Variants in SMYD3 observed in about 807,000 individuals in gnomAD.
SMYD3 encodes the protein SET and MYND domain containing 3.
SMYD3 carries 36 observed loss-of-function variants against 57.7 expected under a neutral mutation model. That is an observed-to-expected ratio of 0.62 (90% confidence interval 0.48 to 0.82). SMYD3 has a LOEUF of 0.82. SMYD3 is among the 40% of genes least tolerant of loss of function. The probability of loss-of-function intolerance (pLI) is 0.00; values close to 1 mark genes in which losing one functional copy is unlikely to be tolerated. For synonymous variants in SMYD3, 211 were observed against 195.0 expected, an observed-to-expected ratio of 1.08 and a Z score of -0.68; for missense variants, 515 against 538.8, an observed-to-expected ratio of 0.96 and a Z score of 0.44.
Position 245,793,126 on chromosome 1 carries a change from G to A in SMYD3, c.1077-28977C>T, listed in dbSNP as rs376993566. ...AGATCAAGACCATCCTGGCTAACAC[G>A]GTGAAACCCCGTCTCTACTAAAAAT... On this transcript the variant is annotated intron_variant, in intron 10 of 11. Transcript: ENST00000490107. Among the ~76,000 whole-genome samples, 119 of 146,196 alleles carry A rather than the reference G, an allele frequency of 8.1e-4. 1 individual carries two copies. Among genetic ancestry groups the A allele is most frequent in the Admixed American group, 4.1e-3 (60 of 14,634 alleles).
chr1:245,815,868 C>T (rs768548260), intron 10 of SMYD3, among the ~76,000 whole-genome samples: 26 of 152,174 alleles, frequency 1.7e-4, no homozygotes, highest in Non-Finnish European at 3.2e-4. Flanking sequence ...AAGCAGAGAT[C>T]AGGCCTTGGA....
intron 5 of SMYD3, among the ~76,000 whole-genome samples, chr1:246,282,305 CAAAAAAAAAAAAAAAA>C (rs57740230): frequency 8.4e-4 from 57 of 67,938 alleles, no homozygotes; most frequent in Middle Eastern, 0.02. Flanking sequence ...CTCATCTCTA[CAAAAAAAAAAAAAAAA>C]AAAAAAAAAA....
chr1:245,765,224 A>C (rs1207464504), intron 10 of SMYD3, among the ~76,000 whole-genome samples: 2 of 61,330 alleles, frequency 3.3e-5, no homozygotes, highest in African/African-American at 1.6e-4. Context: ...TTTCTCTATT[A>C]AAAAAAAAAA....
chr1:245,879,233 C>G (rs2052645728), intron 8 of SMYD3, among the ~76,000 whole-genome samples: 1 of 152,232 alleles, frequency 6.6e-6, no homozygotes, highest in South Asian at 2.1e-4. Context: ...CATCTGAGCA[C>G]ACTGCTCACA....
intron 5 of SMYD3, chr1:246,305,975 CA>C (rs2064970457): frequency 6.6e-6 from 1 of 152,128 alleles, no homozygotes; most frequent in African/African-American, 2.4e-5. Flanking sequence ...ACACAACTTA[CA>C]GTGGATTTGC....
At chr1:246,277,479 A>C (rs12132887) in intron 5 of SMYD3, among the ~76,000 whole-genome samples, 4,035 of 152,210 alleles carry the variant, frequency 0.027, 48 homozygotes, top group Non-Finnish European at 0.032. Context: ...ACCACCACCA[A>C]CAACAACAAC....
chr1:246,257,808 T>C (rs1047405364), intron 5 of SMYD3, among the ~76,000 whole-genome samples: 2 of 152,140 alleles, frequency 1.3e-5, no homozygotes, highest in African/African-American at 2.4e-5. Context: ...AAAACTCTCA[T>C]GTTAAATTGT....
At chr1:246,336,914 T>C (rs188445423) in intron 2 of SMYD3, among the ~76,000 whole-genome samples, 1 of 152,350 alleles carries the variant, frequency 6.6e-6, no homozygotes, top group Non-Finnish European at 1.5e-5. Context: ...ATGGCTTATA[T>C]AATCCTCAAC....
At chr1:246,371,782 C>A (rs2066197146) in intron 1 of SMYD3, among the ~76,000 whole-genome samples, 1 of 152,206 alleles carries the variant, frequency 6.6e-6, no homozygotes. Context: ...AACACATCAG[C>A]ACCATGCTTC....
At chr1:246,052,008 C>T (rs1174568338) in intron 5 of SMYD3, among the ~76,000 whole-genome samples, 12 of 152,304 alleles carry the variant, frequency 7.9e-5, no homozygotes, top group Middle Eastern at 3.4e-3. Flanking sequence ...ATCTTTCTTA[C>T]AAAAAGTCCA....
At chr1:246,301,862 G>A (rs952608239) in intron 5 of SMYD3, among the ~76,000 whole-genome samples, 4 of 152,206 alleles carry the variant, frequency 2.6e-5, no homozygotes, top group East Asian at 3.9e-4. Flanking sequence ...CTGATAATCC[G>A]TATTAGAGAA....
At chr1:246,393,782 G>C (rs904774558) in intron 1 of SMYD3, among the ~76,000 whole-genome samples, 9 of 152,022 alleles carry the variant, frequency 5.9e-5, no homozygotes, top group Non-Finnish European at 1.2e-4. Context: ...CTTGACCCTG[G>C]GAAGTGAGGC....
At chr1:246,027,125 A>G (rs1252740228) in intron 5 of SMYD3, among the ~76,000 whole-genome samples, 1 of 152,366 alleles carries the variant, frequency 6.6e-6, no homozygotes, top group East Asian at 1.9e-4. Flanking sequence ...TAACTTGCTT[A>G]AATTCTATAA....
chr1:246,419,570 C>T (rs544773617), intron 1 of SMYD3, among the ~76,000 whole-genome samples: 1 of 152,236 alleles, frequency 6.6e-6, no homozygotes, highest in South Asian at 2.1e-4. Context: ...GGGGGTAGCG[C>T]CCTAGCCAGG....
chr1:245,951,291 G>A (rs529370337), intron 5 of SMYD3, among the ~76,000 whole-genome samples: 3 of 151,810 alleles, frequency 2.0e-5, no homozygotes, highest in South Asian at 2.1e-4. Context: ...CACAGTACAC[G>A]TCAGATCTCT....
At chr1:246,458,443 T>C (rs1198469106) in intron 1 of SMYD3, among the ~76,000 whole-genome samples, 2 of 114,874 alleles carry the variant, frequency 1.7e-5, no homozygotes, top group Non-Finnish European at 3.6e-5. Flanking sequence ...TCATTCTTTT[T>C]TTTTTTTTTT....
Position 246,378,719 on chromosome 1 carries a change from A to AATATATTATATATTATATATAATTAT in SMYD3, c.165-23651_165-23626dup, listed in dbSNP as rs1348197873. ...AAACTCCCCTTTATATATATAATAT[A>AATATATTATATATTATATATAATTAT]ATATATTATATATTATATATAATTA... On this transcript the variant is annotated intron_variant, in intron 1 of 11. Coordinates refer to ENST00000490107, the MANE Select transcript of SMYD3 (RefSeq NM_001167740.2). 1.4e-3 allele frequency among the ~76,000 whole-genome samples: 55 copies of AATATATTATATATTATATATAATTAT among 38,018 alleles called. 2 individuals are homozygous for AATATATTATATATTATATATAATTAT. In the East Asian group the frequency reaches 0.017, roughly 12 times the overall value. 24.9% of individuals were successfully genotyped at this position (38,018 alleles called of 152,430 possible). A position where few individuals can be genotyped will look rare whatever the true frequency, so the allele number is the denominator to read the frequency against.
Position 246,148,124 on chromosome 1 carries a change from G to A in SMYD3, c.531+179077C>T, listed in dbSNP as rs113013929. Reference sequence around the variant, plus strand: ...AGGCTGGGGGCCAGGATGCCAGTCCGGGACCGGAGTGGGGACTTGTGGTGC... The same window carrying A: ...AGGCTGGGGGCCAGGATGCCAGTCCAGGACCGGAGTGGGGACTTGTGGTGC... On this transcript the variant is annotated intron_variant, in intron 5 of 11. Coordinates refer to ENST00000490107, the MANE Select transcript of SMYD3 (RefSeq NM_001167740.2). Among the ~76,000 whole-genome samples the A allele has an allele frequency of 1.1e-3, 161 of 152,270 alleles. 1 individual carries two copies. The highest frequency in any genetic ancestry group is 3.8e-3 in the African/African-American group (158 of 41,574).
intron 5 of SMYD3, among the ~76,000 whole-genome samples, chr1:246,068,496 G>C (rs1572972504): frequency 6.6e-6 from 1 of 152,166 alleles, no homozygotes; most frequent in Admixed American, 6.5e-5. Context: ...TTTGCTGATG[G>C]ATGCAGAGCT....
Sources: gnomAD v4.1 joint callset for allele counts (sites outside exome capture counted in the v4.1 genomes callset) on GRCh38, gnomAD v4.1.1 for gene constraint, MANE v1.5 for transcripts, NCBI Gene and HGNC (gene_info 2026-07-23, HGNC 2026-07-21) for gene names.